Variants in DLG2 observed in about 807,000 individuals in gnomAD.
The protein encoded by DLG2 is disks large homolog 2.
In DLG2, 45 loss-of-function variants were observed where a neutral mutation model predicts 132.5. The ratio of observed to expected loss-of-function variants is 0.34; its 90% CI spans 0.27 to 0.44. The LOEUF (loss-of-function observed/expected upper bound fraction) is 0.44. Among genes scored for constraint, DLG2 ranks in the 20% least tolerant of loss-of-function variants. The pLI is 1.00. For synonymous variants in DLG2, 424 were observed against 419.6 expected, an observed-to-expected ratio of 1.01 and a Z score of -0.13; for missense variants, 1,045 against 1,196.9, an observed-to-expected ratio of 0.87 and a Z score of 1.87.
intron 6 of DLG2, among the ~76,000 whole-genome samples, chr11:84,994,082 G>C (rs1475057523): frequency 1.3e-5 from 2 of 152,182 alleles, no homozygotes; most frequent in Admixed American, 1.3e-4. Flanking sequence ...GTGACACTTT[G>C]GAGTCCCATC....
chr11:85,086,474 T>C (rs1276592742), intron 6 of DLG2, among the ~76,000 whole-genome samples: 1 of 151,920 alleles, frequency 6.6e-6, no homozygotes, highest in African/African-American at 2.4e-5. Context: ...GAAAGTAAAA[T>C]AAAACCTAGA....
intron 7 of DLG2, among the ~76,000 whole-genome samples, chr11:84,366,537 A>G (rs1439891925): frequency 6.6e-6 from 1 of 152,130 alleles, no homozygotes; most frequent in East Asian, 1.9e-4. Context: ...TAGAGTCAAG[A>G]CCCATCAGTG....
chr11:85,031,377 G>C (rs1001544786), intron 6 of DLG2, among the ~76,000 whole-genome samples: 28 of 149,586 alleles, frequency 1.9e-4, no homozygotes, highest in Non-Finnish European at 3.5e-4. Flanking sequence ...ACTAATTTGA[G>C]AGCCTATCTT....
At chr11:84,632,412 C>A (rs1305336564) in intron 6 of DLG2, among the ~76,000 whole-genome samples, 2 of 152,024 alleles carry the variant, frequency 1.3e-5, no homozygotes, top group Non-Finnish European at 2.9e-5. Context: ...TTTATTGACT[C>A]TTTTAGTTTT....
At chr11:83,628,578 C>A (rs544973295) in intron 19 of DLG2, among the ~76,000 whole-genome samples, 1 of 152,238 alleles carries the variant, frequency 6.6e-6, no homozygotes, top group East Asian at 1.9e-4. Context: ...GGGGAGAATT[C>A]TATGGGATAA....
chr11:84,868,092 A>C (rs2084887791), intron 6 of DLG2, among the ~76,000 whole-genome samples: 2 of 148,188 alleles, frequency 1.3e-5, no homozygotes, highest in South Asian at 4.2e-4. Flanking sequence ...AATAATTCTT[A>C]TTAATAATAT....
chr11:83,620,687 G>T (rs906129692), intron 19 of DLG2, among the ~76,000 whole-genome samples: 2 of 151,188 alleles, frequency 1.3e-5, no homozygotes, highest in African/African-American at 4.9e-5. Flanking sequence ...CGGCTAAAAC[G>T]GTGAAACCCC....
chr11:84,345,778 G>A (rs181452169), intron 7 of DLG2, among the ~76,000 whole-genome samples: 4 of 152,142 alleles, frequency 2.6e-5, no homozygotes, highest in Admixed American at 2.6e-4. Flanking sequence ...CTCACTTCCT[G>A]TTTTTGCAAA....
chr11:84,236,890 G>T (rs2097164493), intron 8 of DLG2, among the ~76,000 whole-genome samples: 1 of 151,264 alleles, frequency 6.6e-6, no homozygotes, highest in Non-Finnish European at 1.5e-5. Flanking sequence ...CATTAAACAG[G>T]AATCTTTATT....
intron 10 of DLG2, among the ~76,000 whole-genome samples, chr11:84,067,207 C>T (rs1319066079): frequency 3.3e-5 from 5 of 151,250 alleles, no homozygotes; most frequent in Non-Finnish European, 7.4e-5. Flanking sequence ...GGTGGCGGGC[C>T]TCTGTAATCC....
At chr11:83,899,311 GTCT>G (rs1596136988) in intron 15 of DLG2, among the ~76,000 whole-genome samples, 1 of 152,108 alleles carries the variant, frequency 6.6e-6, no homozygotes, top group African/African-American at 2.4e-5. Flanking sequence ...ACACCATCCT[GTCT>G]TCTTGATCTC....
chr11:84,510,368 T>A (rs1165188181), intron 7 of DLG2, among the ~76,000 whole-genome samples: 2 of 151,986 alleles, frequency 1.3e-5, no homozygotes, highest in Non-Finnish European at 2.9e-5. Flanking sequence ...AAAAGTGAGT[T>A]TAGAAACAAT....
At chr11:84,900,094 A>G (rs969589685) in intron 6 of DLG2, among the ~76,000 whole-genome samples, 1 of 152,078 alleles carries the variant, frequency 6.6e-6, no homozygotes, top group Non-Finnish European at 1.5e-5. Flanking sequence ...GCTGGTGGTA[A>G]GAAATGCTCT....
intron 7 of DLG2, among the ~76,000 whole-genome samples, chr11:84,418,657 C>G (rs984329941): frequency 6.6e-6 from 1 of 152,150 alleles, no homozygotes; most frequent in Non-Finnish European, 1.5e-5. Context: ...GCTGCTACCT[C>G]CTTACTACAG....
intron 7 of DLG2, among the ~76,000 whole-genome samples, chr11:84,303,524 A>G (rs17507049): frequency 0.1 from 15,600 of 152,264 alleles, 927 homozygotes; most frequent in Non-Finnish European, 0.13. Context: ...ATTTCGTGAC[A>G]TTATTTCAAC....
intron 6 of DLG2, among the ~76,000 whole-genome samples, chr11:84,842,629 C>G (rs1290760787): frequency 6.6e-6 from 1 of 151,924 alleles, no homozygotes; most frequent in Non-Finnish European, 1.5e-5. Flanking sequence ...TCCAGTTTTA[C>G]CTACCTACCA....
chr11:84,903,228 T>C (rs2091112833), intron 6 of DLG2, among the ~76,000 whole-genome samples: 1 of 152,190 alleles, frequency 6.6e-6, no homozygotes, highest in Non-Finnish European at 1.5e-5. Context: ...TTCACAAGAT[T>C]ACTCCAAATT....
chr11:83,459,896 A>C lies in DLG2; in HGVS notation c.2850T>G (p.Asp950Glu). The stretch of plus-strand genomic sequence containing the variant: ...TAACAAGCTTGCATTGGTTATATAT[A>C]TCTTCTAAAGTATCTCCTTGGACAA... ...TAIVQGDTLEDIYNQCKLVIE... is the reference protein window; with the variant it reads ...TAIVQGDTLEEIYNQCKLVIE... The change falls in exon 28 of 28, where the codon GAT (aspartate) becomes GAG (glutamate). Residue 950 changes from aspartate (D) to glutamate (E), a missense_variant. Coordinates refer to ENST00000376104, the MANE Select transcript of DLG2 (RefSeq NM_001142699.3). The C allele has an allele frequency of 6.2e-7, 1 of 1,605,980 alleles. No homozygotes were observed. Among genetic ancestry groups the C allele is most frequent in the Non-Finnish European group, 8.5e-7 (1 of 1,172,664 alleles).
At chr11:84,939,591 C>A (rs1214690196) in intron 6 of DLG2, among the ~76,000 whole-genome samples, 4 of 152,162 alleles carry the variant, frequency 2.6e-5, no homozygotes. Flanking sequence ...TCCTTCCTAG[C>A]CACTGGTAAC....
Sources: gnomAD v4.1 joint callset for allele counts (sites outside exome capture counted in the v4.1 genomes callset) on GRCh38, gnomAD v4.1.1 for gene constraint, MANE v1.5 for transcripts, NCBI Gene and HGNC (gene_info 2026-07-23, HGNC 2026-07-21) for gene names.